Variants in TP73 observed in about 807,000 individuals in gnomAD.
The protein encoded by TP73 is p53-like transcription factor.
In TP73, 25 loss-of-function variants were observed where a neutral mutation model predicts 62.5. That is an observed-to-expected ratio of 0.40 (90% confidence interval 0.29 to 0.56). The LOEUF is 0.56. TP73 is among the 20% of genes least tolerant of loss of function. The pLI is 0.46. For missense variants in TP73, 754 were observed against 913.3 expected, an observed-to-expected ratio of 0.83 and a Z score of 2.25; for synonymous variants, 423 against 377.5, an observed-to-expected ratio of 1.12 and a Z score of -1.40.
rs1391329209 is a variant in TP73 at position 3,658,371 on chromosome 1, CCG to C, written c.-34+5732_-34+5733del. ...AGACAACAGTTTTAAGGCTGTGCCC[CCG>C]CCCGGAAGTGCCATAAAAACAGGAG... On this transcript the variant is annotated intron_variant, in intron 1 of 13. Transcript: ENST00000378295. 4.0e-3 allele frequency among the ~76,000 whole-genome samples: 603 copies of C among 152,292 alleles called. 4 individuals are homozygous for C. The highest frequency in any genetic ancestry group is 0.014 in the African/African-American group (562 of 41,542).
In TP73 at chr1:3,663,976, C is replaced by T. The variant is rs1014844095; in HGVS notation, c.-34+11335C>T. 1.3e-5 allele frequency among the ~76,000 whole-genome samples: 2 copies of T among 152,138 alleles called. No homozygotes were observed. Among genetic ancestry groups the T allele is most frequent in the Non-Finnish European group, 2.9e-5 (2 of 68,018 alleles). The stretch of plus-strand genomic sequence containing the variant: ...CAATCAGTACCCTGGGGGTCGTGGC[C>T]GGCCCCCCTCCCTCCATGCCACAGG... On this transcript the variant is annotated intron_variant, in intron 1 of 13. Transcript: ENST00000378295. The surrounding 1 kb of genome is among the most constrained non-coding windows in gnomAD (Gnocchi z 4.7).
intron 1 of TP73, among the ~76,000 whole-genome samples, chr1:3,658,406 A>C (rs1180715122): frequency 6.6e-6 from 1 of 152,234 alleles, no homozygotes; most frequent in East Asian, 1.9e-4. Context: ...GAGACTCAGC[A>C]GTAACCAGAT....
chr1:3,661,824 A>G (rs2102013422), intron 1 of TP73, among the ~76,000 whole-genome samples: 1 of 147,842 alleles, frequency 6.8e-6, no homozygotes, highest in African/African-American at 2.5e-5. Context: ...TATTATATAT[A>G]TACACGCTAT....
At chr1:3,712,892 C>T (rs565570766) in intron 4 of TP73, among the ~76,000 whole-genome samples, 8 of 152,262 alleles carry the variant, frequency 5.3e-5, no homozygotes, top group East Asian at 1.9e-4. Flanking sequence ...TGCCCCACCC[C>T]GGCCCCTACA....
chr1:3,707,519 C>T (rs781610313), intron 3 of TP73, 30 bp from the exon 4 acceptor site: 9 of 1,589,898 alleles, frequency 5.7e-6, no homozygotes, highest in East Asian at 2.3e-5. Flanking sequence ...GTGTGTGTTT[C>T]CCCCTCCCTC....
At position 3,733,362 on chromosome 1, in the gene TP73, G is replaced by A. The variant is rs190492150; in HGVS notation, c.*283G>A. ...CCACTCTCAGCCCTGCCACTGCCCCGGCGTGCTCCATGGCAGGCGTGGGTG... is the reference window on the plus strand; with the variant it reads ...CCACTCTCAGCCCTGCCACTGCCCCAGCGTGCTCCATGGCAGGCGTGGGTG... On this transcript the variant is annotated 3_prime_UTR_variant, in exon 14 of 14. Coordinates refer to ENST00000378295, the MANE Select transcript of TP73 (RefSeq NM_005427.4). 26 of 503,036 alleles carry A rather than the reference G, an allele frequency of 5.2e-5. No homozygotes were observed. Among genetic ancestry groups the A allele is most frequent in the Middle Eastern group, 3.2e-4 (1 of 3,104 alleles). 31.2% of individuals were successfully genotyped at this position (503,036 alleles called of 1,614,324 possible).
intron 3 of TP73, among the ~76,000 whole-genome samples, chr1:3,693,453 C>T (rs959866362): frequency 3.9e-5 from 6 of 152,134 alleles, no homozygotes; most frequent in Non-Finnish European, 4.4e-5. Flanking sequence ...CCGCCAATTG[C>T]CCCCAGCCTG....
At chr1:3,691,243 G>A (rs900209654) in intron 3 of TP73, among the ~76,000 whole-genome samples, 1 of 152,150 alleles carries the variant, frequency 6.6e-6, no homozygotes, top group Non-Finnish European at 1.5e-5. Flanking sequence ...CTCGTGCTCG[G>A]GGGTCTCTGA....
At chr1:3,657,743 T>C (rs1644894739) in intron 1 of TP73, among the ~76,000 whole-genome samples, 1 of 151,946 alleles carries the variant, frequency 6.6e-6, no homozygotes, top group South Asian at 2.1e-4. Flanking sequence ...AAGGTCGGGG[T>C]TGGGCACAGC....
At chr1:3,687,696 G>A (rs568662564) in intron 3 of TP73, among the ~76,000 whole-genome samples, 18 of 151,850 alleles carry the variant, frequency 1.2e-4, no homozygotes, top group East Asian at 3.9e-4. Context: ...CTCCGCTCCC[G>A]TCCTCTCCCC....
At chr1:3,723,767 G>A (rs1393978492) in intron 6 of TP73, among the ~76,000 whole-genome samples, 1 of 152,248 alleles carries the variant, frequency 6.6e-6, no homozygotes, top group East Asian at 1.9e-4. Context: ...GCCCTCTGTT[G>A]GTGCCCAACA....
chr1:3,685,543 C>T (rs931813440), intron 3 of TP73, among the ~76,000 whole-genome samples: 4 of 152,240 alleles, frequency 2.6e-5, no homozygotes, highest in Admixed American at 2.0e-4. Flanking sequence ...GGGCCCAGCC[C>T]CCTCACAACA....
chr1:3,679,764 CTCTT>C (rs889093798), intron 1 of TP73, among the ~76,000 whole-genome samples: 7 of 150,932 alleles, frequency 4.6e-5, no homozygotes, highest in Non-Finnish European at 1.0e-4. Context: ...CTCTCCGTCT[CTCTT>C]TGTCCTTGTC....
Position 3,656,048 on chromosome 1 carries a change from C to A in TP73, c.-34+3407C>A, listed in dbSNP as rs151200161. On this transcript the variant is annotated intron_variant, in intron 1 of 13. Coordinates refer to ENST00000378295, the MANE Select transcript of TP73 (RefSeq NM_005427.4). ...AAAAATTAGTCGGGCGTGGTGCGGG[C>A]ACCTGTAGTCCCAGCTACCCAGGAG... Among the ~76,000 whole-genome samples the A allele has an allele frequency of 6.5e-3, 984 of 152,146 alleles. 28 individuals are homozygous for A. In the East Asian group the frequency reaches 0.09, roughly 14 times the overall value.
At chr1:3,704,327 G>A (rs1254822017) in intron 3 of TP73, among the ~76,000 whole-genome samples, 1 of 152,104 alleles carries the variant, frequency 6.6e-6, no homozygotes, top group Non-Finnish European at 1.5e-5. Context: ...CGTTCTTTCC[G>A]TGGTCCTGAG....
chr1:3,656,254 A>G (rs1644864031), intron 1 of TP73, among the ~76,000 whole-genome samples: 1 of 151,874 alleles, frequency 6.6e-6, no homozygotes, highest in African/African-American at 2.4e-5. Context: ...TCAGACAGAC[A>G]TATGCACATG....
intron 3 of TP73, among the ~76,000 whole-genome samples, chr1:3,693,565 A>T (rs1638272103): frequency 6.6e-6 from 1 of 152,226 alleles, no homozygotes; most frequent in East Asian, 1.9e-4. Context: ...CTCCTCTATG[A>T]TGAGGACGGT....
chr1:3,703,010 C>T (rs943941501), intron 3 of TP73, among the ~76,000 whole-genome samples: 3 of 152,124 alleles, frequency 2.0e-5, no homozygotes, highest in African/African-American at 4.8e-5. Flanking sequence ...AGGCAGGAAG[C>T]GAAAGGGAAG....
intron 12 of TP73, 100 bp downstream of exon 12, chr1:3,731,165 A>G: frequency 4.7e-6 from 7 of 1,474,522 alleles, no homozygotes; most frequent in Non-Finnish European, 6.4e-6. Context: ...CTGTGTGCTC[A>G]CCACTCGCAA....
Sources: allele counts gnomAD v4.1 joint callset (sites outside exome capture counted in the v4.1 genomes callset), GRCh38; gene constraint gnomAD v4.1.1; non-coding constraint Gnocchi (gnomAD v3.1); transcripts MANE v1.5; gene names NCBI Gene and HGNC (gene_info 2026-07-23, HGNC 2026-07-21).